MYO5C: variants seen among roughly 807,000 people sequenced by gnomAD.
The protein encoded by MYO5C is unconventional myosin-Vc.
In MYO5C, 194 loss-of-function variants were observed where a neutral mutation model predicts 235.7. The observed-to-expected ratio is 0.82, with a 90% CI of 0.73 to 0.93. The LOEUF (loss-of-function observed/expected upper bound fraction) is 0.93, where lower values mean the gene tolerates loss of function less well. MYO5C is among the 40% of genes least tolerant of loss of function. The probability of loss-of-function intolerance (pLI) is 0.00; values close to 1 mark genes in which losing one functional copy is unlikely to be tolerated. For synonymous variants in MYO5C, 707 were observed against 754.8 expected (o/e 0.94, Z 1.04); for missense variants, 2,038 against 2,127.2 (o/e 0.96, Z 0.82).
At chr15:52,279,982 G>C (rs2037132657) in intron 2 of MYO5C, among the ~76,000 whole-genome samples, 1 of 152,192 alleles carries the variant, frequency 6.6e-6, no homozygotes, top group African/African-American at 2.4e-5. Context: ...TCAATAAGGA[G>C]TGTTGGGGAA....
chr15:52,243,508 C>A (rs2036269654), intron 19 of MYO5C: 1 of 152,326 alleles, frequency 6.6e-6, no homozygotes, highest in Non-Finnish European at 1.5e-5. Flanking sequence ...GCTGTGTGAT[C>A]CATGCCACAC....
At chr15:52,233,347 A>G (rs1049932432) in intron 23 of MYO5C, among the ~76,000 whole-genome samples, 3 of 152,178 alleles carry the variant, frequency 2.0e-5, no homozygotes, top group African/African-American at 7.2e-5. Context: ...TTGGGAAGAA[A>G]ATGATCCATT....
intron 22 of MYO5C, among the ~76,000 whole-genome samples, chr15:52,236,310 G>A (rs2007854): frequency 0.031 from 4,787 of 152,314 alleles, 139 homozygotes; most frequent in East Asian, 0.17. Context: ...ACCCAGCACC[G>A]GGTCATGGGG....
At chr15:52,238,831 C>T (rs956148721) in intron 21 of MYO5C, among the ~76,000 whole-genome samples, 10 of 150,528 alleles carry the variant, frequency 6.6e-5, no homozygotes, top group South Asian at 2.1e-4. Flanking sequence ...TTAGTAGAGA[C>T]GGGGTTTCAC....
chr15:52,264,348 G>A (rs1422590799), intron 8 of MYO5C, 52 bp from the exon 9 acceptor site: 1 of 1,372,140 alleles, frequency 7.3e-7, no homozygotes, highest in Non-Finnish European at 1.0e-6. Flanking sequence ...TCTCTGACTA[G>A]TAAGATGGGC....
At chr15:52,259,318 G>C (rs1411286110) in intron 10 of MYO5C, among the ~76,000 whole-genome samples, 1 of 151,492 alleles carries the variant, frequency 6.6e-6, no homozygotes, top group East Asian at 1.9e-4. Flanking sequence ...TACCCAGGAG[G>C]CTGAGACAGG....
chr15:52,251,355 G>A lies in MYO5C; in HGVS notation c.1662+35C>T, dbSNP rs371443384. On this transcript the variant is annotated intron_variant, in intron 13 of 40. Transcript: ENST00000261839. ...TCCTTCTGGAGGCTGTACAGGTTCC[G>A]GGGTTGACAGCATTGATGGAGACCT... 6.1e-5 allele frequency: 95 copies of A among 1,562,554 alleles called. No homozygotes were observed. The African/African-American group carries it at 9.4e-4, about 15-fold the overall frequency.
At chr15:52,246,797 A>T in intron 16 of MYO5C, 120 bp downstream of exon 16, 2 of 723,726 alleles carry the variant, frequency 2.8e-6, no homozygotes, top group Non-Finnish European at 4.6e-6. Flanking sequence ...CATTGTTCTG[A>T]ATCATTAAAA....
chr15:52,193,915 A>T lies in MYO5C; in HGVS notation c.5216T>A (p.Leu1739Gln). 6.2e-7 allele frequency: 1 copy of T among 1,612,912 alleles called. No individual in the cohort carries two copies. The change falls in exon 41 of 41, where the codon CTG becomes CAG. Residue 1739 changes from leucine to glutamine, a missense_variant. By Grantham distance (113) the Leu-to-Gln change is moderately radical. Coordinates refer to ENST00000261839, the MANE Select transcript of MYO5C (RefSeq NM_018728.4). ...QIPSSFKLGF[L>Q]NRL ...CTTTTTCTCCTGCTATAACCTATTC[A>T]GAAAGCCTAGCTTGAAACTGCTGGG...
intron 2 of MYO5C, among the ~76,000 whole-genome samples, chr15:52,280,262 G>A: frequency 6.6e-6 from 1 of 152,198 alleles, no homozygotes; most frequent in East Asian, 1.9e-4. Flanking sequence ...TCTCCTGTCT[G>A]CAGTTGCCCA....
At position 52,261,313 on chromosome 15, in the gene MYO5C, C is replaced by T. The variant is rs2277888; in HGVS notation, c.1048-186G>A. Among the ~76,000 whole-genome samples, 26 of 152,366 alleles carry T rather than the reference C, an allele frequency of 1.7e-4. No homozygotes were observed. In the East Asian group the frequency reaches 3.9e-3, roughly 23 times the overall value. On this transcript the variant is annotated intron_variant, in intron 9 of 40. Coordinates refer to ENST00000261839, the MANE Select transcript of MYO5C (RefSeq NM_018728.4). ...GTAGAGCAAGGGGGCTACAGCAGCA[C>T]GGGTCCTGCACCTGGCCCTTGGCAG... is the stretch of plus-strand genomic sequence containing the variant.
chr15:52,254,908 T>C (rs1468332310), intron 11 of MYO5C, among the ~76,000 whole-genome samples: 2 of 151,742 alleles, frequency 1.3e-5, no homozygotes, highest in Non-Finnish European at 2.9e-5. Context: ...ACCTCAGCTG[T>C]AGTTATTAAT....
intron 38 of MYO5C, 108 bp downstream of exon 38, chr15:52,204,757 A>G (rs1326906821): frequency 1.5e-6 from 2 of 1,343,460 alleles, no homozygotes; most frequent in African/African-American, 2.9e-5. Context: ...TAGGGCCTAA[A>G]CAGGGGTTTG....
In MYO5C at chr15:52,237,783, A is replaced by G. The variant is rs570551923; in HGVS notation, c.2704-137T>C. ...TGATCACACTTATCACTGCACTGAC[A>G]TTTGTTAGCATCTTCTTTGTGGTGA... On this transcript the variant is annotated intron_variant, in intron 21 of 40. Transcript: ENST00000261839. 24 of 758,484 alleles carry G rather than the reference A, an allele frequency of 3.2e-5. No individual in the cohort carries two copies. The African/African-American group carries it at 3.3e-4, about 11-fold the overall frequency. The allele number at this position is 758,484 out of a possible 1,614,324, so 47.0% of individuals were successfully genotyped here.
chr15:52,242,294 T>G (rs1331855284), intron 19 of MYO5C, 81 bp from the exon 20 acceptor site: 8 of 1,450,738 alleles, frequency 5.5e-6, no homozygotes, highest in Non-Finnish European at 9.4e-7. Flanking sequence ...TTGGCTAGCA[T>G]GTGTTTATAA....
intron 11 of MYO5C, 56 bp downstream of exon 11, chr15:52,256,583 A>ACC: frequency 1.1e-6 from 1 of 915,856 alleles, no homozygotes; most frequent in Non-Finnish European, 1.6e-6. Context: ...ACACACACAC[A>ACC]CACACGCGCG....
intron 32 of MYO5C, 53 bp from the exon 33 acceptor site, chr15:52,214,743 T>A: frequency 8.2e-7 from 1 of 1,223,904 alleles, no homozygotes; most frequent in Non-Finnish European, 1.1e-6. Context: ...TTAATCTATT[T>A]TTTTTTTTTT....
At chr15:52,238,017 C>A (rs531622793) in intron 21 of MYO5C, among the ~76,000 whole-genome samples, 280 of 152,002 alleles carry the variant, frequency 1.8e-3, no homozygotes, top group Non-Finnish European at 2.9e-3. Flanking sequence ...TAAGGTAAAA[C>A]CAGCCCTCAG....
intron 24 of MYO5C, among the ~76,000 whole-genome samples, chr15:52,231,002 A>G (rs1040874822): frequency 6.6e-6 from 1 of 151,316 alleles, no homozygotes; most frequent in African/African-American, 2.4e-5. Context: ...CAATTTTTGT[A>G]TTTTTAGTAG....
Sources: gnomAD v4.1 joint callset for allele counts (sites outside exome capture counted in the v4.1 genomes callset) on GRCh38, gnomAD v4.1.1 for gene constraint, MANE v1.5 for transcripts, NCBI Gene and HGNC (gene_info 2026-07-23, HGNC 2026-07-21) for gene names.